The following EXD3 variants were observed in gnomAD, a reference collection of about 807,000 sequenced individuals.
EXD3 encodes the protein exonuclease mut-7 homolog.
EXD3 carries 92 observed loss-of-function variants against 98.0 expected under a neutral mutation model. The ratio of observed to expected loss-of-function variants is 0.94; its 90% CI spans 0.79 to 1.12. EXD3 has a LOEUF of 1.12. EXD3 is among the 50% of genes most tolerant of loss of function. The probability of loss-of-function intolerance (pLI) is 0.00; values close to 1 mark genes in which losing one functional copy is unlikely to be tolerated. For synonymous variants in EXD3, 569 were observed against 526.0 expected (o/e 1.08, Z -1.12); for missense variants, 1,222 against 1,191.6 (o/e 1.03, Z -0.38).
At chr9:137,325,535 C>T (rs1832352480) in intron 17 of EXD3, among the ~76,000 whole-genome samples, 1 of 152,010 alleles carries the variant, frequency 6.6e-6, no homozygotes, top group African/African-American at 2.4e-5. Flanking sequence ...CGAGTTCAAG[C>T]GATTCTCATG....
intron 1 of EXD3, among the ~76,000 whole-genome samples, chr9:137,417,653 A>G (rs979665422): frequency 2.6e-5 from 4 of 152,030 alleles, no homozygotes; most frequent in African/African-American, 9.7e-5. Flanking sequence ...GCGGAGGAGG[A>G]GGCGCGCGGC....
At chr9:137,384,753 C>G (rs1836497248) in intron 2 of EXD3, among the ~76,000 whole-genome samples, 1 of 152,222 alleles carries the variant, frequency 6.6e-6, no homozygotes, top group African/African-American at 2.4e-5. Flanking sequence ...TCAAAAATCA[C>G]TTACAACAGC....
rs900511917 is a variant in EXD3, at chr9:137,347,695, C to T, written c.1998+376G>A. Among the ~76,000 whole-genome samples the T allele has an allele frequency of 2.1e-4, 32 of 152,266 alleles. No homozygotes were observed. The highest frequency in any genetic ancestry group is 6.7e-4 in the African/African-American group (28 of 41,566). On this transcript the variant is annotated intron_variant, in intron 17 of 21. Coordinates refer to ENST00000340951, the MANE Select transcript of EXD3 (RefSeq NM_017820.5). The surrounding 1 kb of genome is among the most constrained non-coding windows in gnomAD (Gnocchi z 4.2). ...CTGGCCTCAAGTGATCCACCCACCTCGGCCTCCCAAGGTGCTGGGATTATA... is the reference window on the plus strand; with the variant it reads ...CTGGCCTCAAGTGATCCACCCACCTTGGCCTCCCAAGGTGCTGGGATTATA...
intron 14 of EXD3, among the ~76,000 whole-genome samples, chr9:137,350,683 CTAGA>C (rs1475264801): frequency 9.8e-6 from 1 of 101,824 alleles, no homozygotes; most frequent in African/African-American, 3.8e-5. Flanking sequence ...AAGGAGGGGG[CTAGA>C]TAGAGAGGGG....
Position 137,355,555 on chromosome 9 carries a change from AGGAGGAAG to A in EXD3, c.757+705_757+712del, listed in dbSNP as rs1564508484. Among the ~76,000 whole-genome samples, 103 of 44,840 alleles carry A rather than the reference AGGAGGAAG, an allele frequency of 2.3e-3. 5 individuals carry two copies. The highest frequency in any genetic ancestry group is 6.7e-3 in the South Asian group (7 of 1,048). 29.4% of individuals were successfully genotyped at this position (44,840 alleles called of 152,430 possible). A position where few individuals can be genotyped will look rare whatever the true frequency, so the allele number is the denominator to read the frequency against. ...AGGAAGGAGGAAGGAGGAAGGAGGA[AGGAGGAAG>A]GGAGGATGGAGGAAGGAGGAAGGAG... On this transcript the variant is annotated intron_variant, in intron 8 of 21. Transcript: ENST00000340951.
chr9:137,375,212 T>A (rs1835837886), intron 3 of EXD3, among the ~76,000 whole-genome samples: 1 of 152,204 alleles, frequency 6.6e-6, no homozygotes, highest in Non-Finnish European at 1.5e-5. Flanking sequence ...TTTCACCGTG[T>A]TAGCCAGGAT....
chr9:137,332,646 A>G (rs187435673), intron 17 of EXD3, among the ~76,000 whole-genome samples: 10 of 152,034 alleles, frequency 6.6e-5, no homozygotes, highest in East Asian at 3.9e-4. Flanking sequence ...GATCGAGACC[A>G]TCCTGGCTAA....
chr9:137,367,824 C>T, intron 6 of EXD3, 112 bp downstream of exon 6: 4 of 1,049,618 alleles, frequency 3.8e-6, no homozygotes, highest in South Asian at 2.9e-5. Context: ...GATGGCCCTG[C>T]TGTCCCCCAC....
Position 137,324,235 on chromosome 9 carries a change from C to G in EXD3, c.1999-92G>C. On this transcript the variant is annotated intron_variant, in intron 17 of 21. Transcript: ENST00000340951. The surrounding 1 kb of genome is among the most constrained non-coding windows in gnomAD (Gnocchi z 4.1). Reference sequence around the variant, plus strand: ...CTCGCCACCCCCTAGCTCCCCGGATCGTGGCCCTGCCCCAGGCCCCTTTTG... The same window carrying G: ...CTCGCCACCCCCTAGCTCCCCGGATGGTGGCCCTGCCCCAGGCCCCTTTTG... 8.8e-7 allele frequency: 1 copy of G among 1,132,794 alleles called. No individual in the cohort carries two copies. The highest frequency in any genetic ancestry group is 1.3e-6 in the Non-Finnish European group (1 of 781,344). 70.2% of individuals were successfully genotyped at this position (1,132,794 alleles called of 1,614,324 possible). A position where few individuals can be genotyped will look rare whatever the true frequency, so the allele number is the denominator to read the frequency against.
chr9:137,307,181 C>G lies in EXD3; in HGVS notation c.2400G>C (p.Glu800Asp), dbSNP rs1831087774. 1 of 1,585,628 alleles carries G rather than the reference C, an allele frequency of 6.3e-7. No homozygotes were observed. Among genetic ancestry groups the G allele is most frequent in the Non-Finnish European group, 8.6e-7 (1 of 1,167,398 alleles). ...TGCCGTCGGCCAGCATGTCCGGTGT[C>G]TCCGCCCGCAGGTCAGCCATCTGCA... ...RWLQMADLRA[E>D]TPDMLADGTR... Residue 800 changes from glutamate (E) to aspartate (D), a missense_variant, in exon 22 of 22, where the codon GAG (glutamate) becomes GAC (aspartate). Coordinates refer to ENST00000340951, the MANE Select transcript of EXD3 (RefSeq NM_017820.5).
At position 137,316,886 on chromosome 9, in the gene EXD3, T is replaced by G. The variant is rs1029730131; in HGVS notation, c.2184+6839A>C. 1.1e-4 allele frequency among the ~76,000 whole-genome samples: 17 copies of G among 152,176 alleles called. 1 individual carries two copies. The highest frequency in any genetic ancestry group is 3.9e-4 in the African/African-American group (16 of 41,448). The stretch of plus-strand genomic sequence containing the variant: ...GGGGAGTGGCCCGTTCAGCCCACCC[T>G]GCTCTGGTCCTTCCAGGGGAGCTCT... On this transcript the variant is annotated intron_variant, in intron 19 of 21. Coordinates refer to ENST00000340951, the MANE Select transcript of EXD3 (RefSeq NM_017820.5).
intron 19 of EXD3, among the ~76,000 whole-genome samples, chr9:137,310,824 GGGA>G (rs1209172886): frequency 1.3e-5 from 2 of 152,202 alleles, no homozygotes; most frequent in African/African-American, 4.8e-5. Context: ...GAGCACCCTG[GGGA>G]GGAGGTGGGG....
intron 8 of EXD3, among the ~76,000 whole-genome samples, chr9:137,355,489 G>GAAA (rs1242588626): frequency 0.051 from 4,226 of 82,160 alleles, 53 homozygotes; most frequent in South Asian, 0.065. Context: ...GGAGGAAGGA[G>GAAA]GATGGAGGAA....
At position 137,395,894 on chromosome 9, in the gene EXD3, C is replaced by G. The variant is rs867521941; in HGVS notation, c.-47-490G>C. Among the ~76,000 whole-genome samples, 3 of 152,088 alleles carry G rather than the reference C, an allele frequency of 2.0e-5. No individual in the cohort carries two copies. Among genetic ancestry groups the G allele is most frequent in the African/African-American group, 7.2e-5 (3 of 41,434 alleles). ...GTACGCAGCTCCGTAAGACTCCAGG[C>G]GGCCGCTGACAGCTCTCATCCCAGG... On this transcript the variant is annotated intron_variant, in intron 1 of 21. Coordinates refer to ENST00000340951, the MANE Select transcript of EXD3 (RefSeq NM_017820.5). The surrounding 1 kb of genome is among the most constrained non-coding windows in gnomAD (Gnocchi z 6.5).
In EXD3 at chr9:137,329,187, A is replaced by G. The variant is rs377046283; in HGVS notation, c.1999-5044T>C. Among the ~76,000 whole-genome samples the G allele has an allele frequency of 7.5e-4, 4 of 5,338 alleles. 1 individual carries two copies. Among genetic ancestry groups the G allele is most frequent in the Non-Finnish European group, 7.9e-4 (3 of 3,784 alleles). 3.5% of individuals were successfully genotyped at this position (5,338 alleles called of 152,430 possible). A position where few individuals can be genotyped will look rare whatever the true frequency, so the allele number is the denominator to read the frequency against. ...CGGGGCTACACGGGAGCTACACGGG[A>G]CTACACGGGGCTACACGGGGCTACA... is the stretch of plus-strand genomic sequence containing the variant. On this transcript the variant is annotated intron_variant, in intron 17 of 21. Coordinates refer to ENST00000340951, the MANE Select transcript of EXD3 (RefSeq NM_017820.5).
chr9:137,354,552 C>A (rs1197958206), intron 9 of EXD3, 148 bp downstream of exon 9: 8 of 1,536,820 alleles, frequency 5.2e-6, no homozygotes, highest in Non-Finnish European at 7.0e-6. Context: ...TTCACCCAGG[C>A]CTGGCCCAGC....
chr9:137,365,605 ACACACACGCACACCTGCAGG>A (rs1835188157), intron 7 of EXD3: 1 of 28,444 alleles, frequency 3.5e-5, no homozygotes, highest in East Asian at 2.8e-3. Context: ...ACACACATGC[ACACACACGCACACCTGCAGG>A]CACACACACG....
At chr9:137,415,544 T>C (rs1838198354) in intron 1 of EXD3, among the ~76,000 whole-genome samples, 1 of 152,166 alleles carries the variant, frequency 6.6e-6, no homozygotes, top group African/African-American at 2.4e-5. Flanking sequence ...TGGTTTTAGC[T>C]CTGCGGCAAG....
intron 1 of EXD3, among the ~76,000 whole-genome samples, chr9:137,416,666 C>T (rs947225651): frequency 6.6e-6 from 1 of 152,238 alleles, no homozygotes; most frequent in Non-Finnish European, 1.5e-5. Flanking sequence ...GGCGGCCACC[C>T]TCTGAGGAGG....
Sources: allele counts gnomAD v4.1 joint callset (sites outside exome capture counted in the v4.1 genomes callset), GRCh38; gene constraint gnomAD v4.1.1; non-coding constraint Gnocchi (gnomAD v3.1); transcripts MANE v1.5; gene names NCBI Gene and HGNC (gene_info 2026-07-23, HGNC 2026-07-21).